Variants in CAMKMT observed in about 807,000 individuals in gnomAD.
CAMKMT encodes calmodulin-lysine N-methyltransferase, also known as CaM KMT.
CAMKMT carries 53 observed loss-of-function variants against 48.0 expected under a neutral mutation model. The ratio of observed to expected loss-of-function variants is 1.10; its 90% CI spans 0.89 to 1.39. The LOEUF is 1.39. Among genes scored for constraint, CAMKMT ranks in the 40% most tolerant of loss-of-function variants. The pLI, the probability that CAMKMT is intolerant of heterozygous loss-of-function variation, is 0.00. For missense variants in CAMKMT, 428 were observed against 402.7 expected (o/e 1.06, Z -0.54); for synonymous variants, 165 against 152.3 (o/e 1.08, Z -0.61).
intron 3 of CAMKMT, among the ~76,000 whole-genome samples, chr2:44,622,681 A>G (rs964395948): frequency 1.3e-5 from 2 of 152,224 alleles, no homozygotes; most frequent in African/African-American, 4.8e-5. Context: ...TTTATTTTTT[A>G]TGGTTGCATA....
chr2:44,537,237 TAGG>T lies in CAMKMT; in HGVS notation c.376+146935_376+146937del, dbSNP rs1666824848. 2.0e-5 allele frequency among the ~76,000 whole-genome samples: 3 copies of T among 152,208 alleles called. No homozygotes were observed. In the South Asian group the frequency reaches 6.2e-4, roughly 32 times the overall value. On this transcript the variant is annotated intron_variant, in intron 3 of 10. Coordinates refer to ENST00000378494, the MANE Select transcript of CAMKMT (RefSeq NM_024766.5). ...CAGAATAAAGGCATAACCTTCTGAA[TAGG>T]AGAAAATATTTGCAAACTATTTATC...
At chr2:44,721,524 G>A (rs1678459020) in intron 7 of CAMKMT, among the ~76,000 whole-genome samples, 1 of 152,056 alleles carries the variant, frequency 6.6e-6, no homozygotes, top group Non-Finnish European at 1.5e-5. Flanking sequence ...AATTATCTGA[G>A]ATTTTTGAAA....
intron 3 of CAMKMT, among the ~76,000 whole-genome samples, chr2:44,406,113 G>T (rs1333691332): frequency 6.6e-6 from 1 of 152,112 alleles, no homozygotes; most frequent in East Asian, 1.9e-4. Flanking sequence ...TAGACAAAAA[G>T]AAATGTATTG....
At chr2:44,745,648 T>C (rs1342934543) in intron 8 of CAMKMT, among the ~76,000 whole-genome samples, 1 of 152,172 alleles carries the variant, frequency 6.6e-6, no homozygotes, top group Admixed American at 6.5e-5. Flanking sequence ...AATTGTTTTT[T>C]TTTTTCCCCT....
chr2:44,640,964 C>A (rs541362638), intron 3 of CAMKMT, among the ~76,000 whole-genome samples: 2 of 152,146 alleles, frequency 1.3e-5, no homozygotes, highest in African/African-American at 4.8e-5. Flanking sequence ...CATAGAGTGA[C>A]CAAGGCCACT....
chr2:44,595,379 A>G (rs1670591228), intron 3 of CAMKMT, among the ~76,000 whole-genome samples: 1 of 152,210 alleles, frequency 6.6e-6, no homozygotes, highest in Non-Finnish European at 1.5e-5. Context: ...TGCTGGGATT[A>G]CAGGCGTGAG....
At chr2:44,599,041 A>G (rs1670832633) in intron 3 of CAMKMT, among the ~76,000 whole-genome samples, 1 of 152,056 alleles carries the variant, frequency 6.6e-6, no homozygotes. Flanking sequence ...TCTTTTAGCA[A>G]GGTAGAGAGT....
intron 7 of CAMKMT, among the ~76,000 whole-genome samples, chr2:44,716,037 C>G (rs1017019123): frequency 6.6e-6 from 1 of 152,026 alleles, no homozygotes; most frequent in Non-Finnish European, 1.5e-5. Flanking sequence ...TTATTTTTGC[C>G]CTGTTGGTAA....
At chr2:44,651,286 T>C (rs1421895497) in intron 3 of CAMKMT, among the ~76,000 whole-genome samples, 6 of 152,214 alleles carry the variant, frequency 3.9e-5, no homozygotes, top group African/African-American at 4.8e-5. Context: ...TACCTGAAAG[T>C]AGAATAGTCA....
At chr2:44,756,602 C>T (rs888268134) in intron 9 of CAMKMT, among the ~76,000 whole-genome samples, 9 of 151,886 alleles carry the variant, frequency 5.9e-5, no homozygotes, top group Non-Finnish European at 1.0e-4. Flanking sequence ...ATTAGCCAGG[C>T]GTGGTGGCGG....
chr2:44,732,471 A>T (rs1679130007), intron 7 of CAMKMT, among the ~76,000 whole-genome samples: 1 of 152,234 alleles, frequency 6.6e-6, no homozygotes, highest in Non-Finnish European at 1.5e-5. Context: ...ACCATCCTTT[A>T]CATGTCTTCG....
At chr2:44,440,318 G>A (rs1206380859) in intron 3 of CAMKMT, among the ~76,000 whole-genome samples, 2 of 152,048 alleles carry the variant, frequency 1.3e-5, no homozygotes, top group South Asian at 2.1e-4. Flanking sequence ...CTTGATAGCA[G>A]TAATAGAAAA....
chr2:44,389,939 G>A (rs1428027031), intron 2 of CAMKMT, among the ~76,000 whole-genome samples: 1 of 152,042 alleles, frequency 6.6e-6, no homozygotes, highest in Non-Finnish European at 1.5e-5. Flanking sequence ...GTGGGTTTTT[G>A]GCTTTAAAAA....
chr2:44,423,164 G>A (rs980724566), intron 3 of CAMKMT, among the ~76,000 whole-genome samples: 2 of 118,906 alleles, frequency 1.7e-5, no homozygotes, highest in Admixed American at 1.8e-4. Context: ...CAGACATCAG[G>A]ACTCTATTTT....
chr2:44,504,928 T>C (rs924677685), intron 3 of CAMKMT, among the ~76,000 whole-genome samples: 20 of 152,078 alleles, frequency 1.3e-4, no homozygotes, highest in African/African-American at 4.6e-4. Flanking sequence ...CTGCTTCTGG[T>C]GATGGCCTCC....
At chr2:44,536,845 C>G (rs754351063) in intron 3 of CAMKMT, among the ~76,000 whole-genome samples, 9 of 151,980 alleles carry the variant, frequency 5.9e-5, no homozygotes, top group African/African-American at 2.2e-4. Flanking sequence ...AATAGAGAAC[C>G]CAGAAGTAAA....
chr2:44,495,396 G>A (rs1193218950), intron 3 of CAMKMT, among the ~76,000 whole-genome samples: 5 of 151,972 alleles, frequency 3.3e-5, no homozygotes, highest in Non-Finnish European at 7.4e-5. Flanking sequence ...CTCCTGCCTT[G>A]GTCTACCAAA....
intron 3 of CAMKMT, among the ~76,000 whole-genome samples, chr2:44,701,091 G>A (rs1381787397): frequency 6.6e-6 from 1 of 152,168 alleles, no homozygotes; most frequent in Non-Finnish European, 1.5e-5. Context: ...GAACAATGCT[G>A]CTATGAGCAT....
At chr2:44,609,897 G>T (rs867616600) in intron 3 of CAMKMT, among the ~76,000 whole-genome samples, 1 of 152,142 alleles carries the variant, frequency 6.6e-6, no homozygotes, top group African/African-American at 2.4e-5. Flanking sequence ...ATGTGCTGGG[G>T]TGGAAAAACA....
Sources: gnomAD v4.1 joint callset for allele counts (sites outside exome capture counted in the v4.1 genomes callset) on GRCh38, gnomAD v4.1.1 for gene constraint, MANE v1.5 for transcripts, NCBI Gene and HGNC (gene_info 2026-07-23, HGNC 2026-07-21) for gene names.